HLCS: variants seen among roughly 807,000 people sequenced by gnomAD.
The protein encoded by HLCS is biotin--protein ligase.
Under a neutral mutation model 75.0 loss-of-function variants are expected in HLCS, and 53 were observed. That is an observed-to-expected ratio of 0.71 (90% CI 0.57 to 0.89). The LOEUF is 0.89. HLCS is among the 40% of genes least tolerant of loss of function. The pLI, the probability that HLCS is intolerant of heterozygous loss-of-function variation, is 0.00. For missense variants in HLCS, 966 were observed against 1,074.0 expected (o/e 0.90, Z 1.41); for synonymous variants, 431 against 428.6 (o/e 1.01, Z -0.07).
intron 6 of HLCS, among the ~76,000 whole-genome samples, chr21:36,832,758 G>C (rs1029424388): frequency 3.3e-5 from 5 of 152,178 alleles, no homozygotes; most frequent in African/African-American, 1.2e-4. Flanking sequence ...CTCTCATTTA[G>C]CAATATCATG....
chr21:36,829,264 A>G (rs2062114020), intron 6 of HLCS, among the ~76,000 whole-genome samples: 1 of 152,178 alleles, frequency 6.6e-6, no homozygotes. Flanking sequence ...AAGCACAACC[A>G]CACTCAGCTT....
intron 6 of HLCS, among the ~76,000 whole-genome samples, chr21:36,776,670 C>A (rs1242991832): frequency 1.3e-5 from 2 of 152,172 alleles, no homozygotes; most frequent in Non-Finnish European, 2.9e-5. Context: ...ATCTCAGCCC[C>A]CCAAAGTGCT....
rs1194555442 is a variant in HLCS, at chr21:36,752,962, T to C, written c.*1284A>G. ...TGGAAGAGAGAAAACTGGACAAAAA[T>C]TGGCCTTTTAAAAAGCTGAAAAGTA... On this transcript the variant is annotated 3_prime_UTR_variant, in exon 11 of 11. Coordinates refer to ENST00000674895, the MANE Select transcript of HLCS (RefSeq NM_001352514.2). 1 of 152,642 alleles carries C rather than the reference T, an allele frequency of 6.6e-6. No homozygotes were observed. Among genetic ancestry groups the C allele is most frequent in the African/African-American group, 2.4e-5 (1 of 41,454 alleles). 9.5% of individuals were successfully genotyped at this position (152,642 alleles called of 1,614,324 possible). A position where few individuals can be genotyped will look rare whatever the true frequency, so the allele number is the denominator to read the frequency against.
At chr21:36,969,940 C>T (rs1054198596), upstream of HLCS, among the ~76,000 whole-genome samples, 14 of 152,150 alleles carry the variant, frequency 9.2e-5, no homozygotes, top group South Asian at 2.1e-4. Context: ...AAGAATGACC[C>T]AGCTAGCCAC....
chr21:36,759,099 C>T (rs1362968274), intron 9 of HLCS: 8 of 471,102 alleles, frequency 1.7e-5, no homozygotes, highest in South Asian at 4.6e-5. Flanking sequence ...CTGGCTGGCA[C>T]TTGAAACACA....
chr21:36,894,266 A>C (rs1244792395), intron 6 of HLCS, among the ~76,000 whole-genome samples: 15 of 152,206 alleles, frequency 9.9e-5, no homozygotes, highest in African/African-American at 2.9e-4. Context: ...TGAGCCAATT[A>C]AACCTCTTTT....
At chr21:36,805,231 C>T (rs545707560) in intron 6 of HLCS, among the ~76,000 whole-genome samples, 2 of 152,236 alleles carry the variant, frequency 1.3e-5, no homozygotes, top group African/African-American at 4.8e-5. Context: ...AAAGATGCCT[C>T]CAAATTTTAA....
At chr21:36,967,207 G>T (rs943488547), upstream of HLCS, among the ~76,000 whole-genome samples, 23 of 152,086 alleles carry the variant, frequency 1.5e-4, no homozygotes. Flanking sequence ...CTCCACAGCC[G>T]CTACCCAGTC....
At chr21:36,987,927 C>A (rs2069257922) in intron 1 of HLCS, among the ~76,000 whole-genome samples, 1 of 152,166 alleles carries the variant, frequency 6.6e-6, no homozygotes, top group Non-Finnish European at 1.5e-5. Flanking sequence ...TTTGTTTACA[C>A]ACAGGTGGAT....
At chr21:36,881,357 C>T (rs1340412993) in intron 6 of HLCS, among the ~76,000 whole-genome samples, 2 of 152,194 alleles carry the variant, frequency 1.3e-5, no homozygotes, top group African/African-American at 4.8e-5. Context: ...ACTCCCACCC[C>T]AGGAGCCACT....
intron 6 of HLCS, among the ~76,000 whole-genome samples, chr21:36,883,901 G>A (rs998029958): frequency 1.3e-5 from 2 of 152,096 alleles, no homozygotes; most frequent in Non-Finnish European, 2.9e-5. Context: ...TAGGGGACCC[G>A]GCCACCCACA....
chr21:36,888,438 AAAAAAAAATATATATATATAT>A lies in HLCS; in HGVS notation c.1892+8401_1892+8421del, dbSNP rs1470159056. Among the ~76,000 whole-genome samples, 13 of 30,394 alleles carry A rather than the reference AAAAAAAAATATATATATATAT, an allele frequency of 4.3e-4. 1 individual carries two copies. The highest frequency in any genetic ancestry group is 6.4e-4 in the Non-Finnish European group (10 of 15,678). 19.9% of individuals were successfully genotyped at this position (30,394 alleles called of 152,430 possible). ...ATCCTGCCCCCTTCCCATTTAAAAA[AAAAAAAAATATATATATATAT>A]ATATATATATATATATATATATATA... On this transcript the variant is annotated intron_variant, in intron 6 of 10. Transcript: ENST00000674895.
chr21:36,868,213 G>GGAAGA (rs2146215561), intron 6 of HLCS, among the ~76,000 whole-genome samples: 5 of 81,400 alleles, frequency 6.1e-5, no homozygotes, highest in African/African-American at 4.3e-4. Flanking sequence ...GGAAGGGAAG[G>GGAAGA]GAAAAAAGAG....
At chr21:36,827,531 G>A (rs542498729) in intron 6 of HLCS, among the ~76,000 whole-genome samples, 5 of 145,368 alleles carry the variant, frequency 3.4e-5, no homozygotes, top group Non-Finnish European at 6.0e-5. Context: ...CCAAGATCGC[G>A]CCACTGCACT....
At chr21:36,844,430 A>G (rs1470975608) in intron 6 of HLCS, among the ~76,000 whole-genome samples, 1 of 152,174 alleles carries the variant, frequency 6.6e-6, no homozygotes, top group East Asian at 1.9e-4. Context: ...TTAACCTTAA[A>G]CTGCTCTAAG....
In HLCS at chr21:36,942,505, A is replaced by G. The variant is rs567110028; in HGVS notation, c.331-3511T>C. 2.6e-5 allele frequency among the ~76,000 whole-genome samples: 4 copies of G among 152,220 alleles called. No homozygotes were observed. In the East Asian group the frequency reaches 7.7e-4, roughly 29 times the overall value. On this transcript the variant is annotated intron_variant, in intron 2 of 10. Coordinates refer to ENST00000674895, the MANE Select transcript of HLCS (RefSeq NM_001352514.2). Reference sequence around the variant, plus strand: ...CTCAAACTGGATCAAAGACCTCAATATAAGAGCTAAAACTACAAAATTCAG... The same window carrying G: ...CTCAAACTGGATCAAAGACCTCAATGTAAGAGCTAAAACTACAAAATTCAG...
rs538474994 is a variant in HLCS, at chr21:36,820,198, G to A, written c.1893-52913C>T. On this transcript the variant is annotated intron_variant, in intron 6 of 10. Transcript: ENST00000674895. ...CCCTTCCCATGAGTTGGGGACTAGG[G>A]GGCAGGTAGTGATAGTGAGGCCCCG... is the stretch of plus-strand genomic sequence containing the variant. Among the ~76,000 whole-genome samples, 8 of 148,226 alleles carry A rather than the reference G, an allele frequency of 5.4e-5. No homozygotes were observed. The South Asian group carries it at 8.6e-4, about 16-fold the overall frequency.
At chr21:36,780,436 T>G (rs1407817117) in intron 6 of HLCS, among the ~76,000 whole-genome samples, 2 of 151,818 alleles carry the variant, frequency 1.3e-5, no homozygotes, top group African/African-American at 4.8e-5. Flanking sequence ...GCCAGGATGG[T>G]CTCGATCTCC....
At chr21:36,777,649 G>A (rs2060402181) in intron 6 of HLCS, among the ~76,000 whole-genome samples, 1 of 152,182 alleles carries the variant, frequency 6.6e-6, no homozygotes, top group Non-Finnish European at 1.5e-5. Flanking sequence ...AGCAGGGGCA[G>A]TTATTTTGTC....
Sources: gnomAD v4.1 joint callset for allele counts (sites outside exome capture counted in the v4.1 genomes callset) on GRCh38, gnomAD v4.1.1 for gene constraint, MANE v1.5 for transcripts, NCBI Gene and HGNC (gene_info 2026-07-23, HGNC 2026-07-21) for gene names.